The following KCND2 variants were observed in gnomAD, a reference collection of about 807,000 sequenced individuals.
KCND2 encodes A-type voltage-gated potassium channel KCND2.
Under a neutral mutation model 54.4 loss-of-function variants are expected in KCND2, and 16 were observed. The observed-to-expected ratio is 0.29, with a 90% CI of 0.20 to 0.45. The LOEUF is 0.45. KCND2 is among the 20% of genes least tolerant of loss of function. The pLI, the probability that KCND2 is intolerant of heterozygous loss-of-function variation, is 1.00. For missense variants in KCND2, 486 were observed against 824.2 expected, an observed-to-expected ratio of 0.59 and a Z score of 5.02; for synonymous variants, 317 against 310.7, an observed-to-expected ratio of 1.02 and a Z score of -0.21.
At chr7:120,693,191 A>G (rs1792292862) in intron 1 of KCND2, among the ~76,000 whole-genome samples, 1 of 152,074 alleles carries the variant, frequency 6.6e-6, no homozygotes, top group Non-Finnish European at 1.5e-5. Context: ...CTTTCTATTC[A>G]TTTTCTGAGT....
chr7:120,294,735 T>C (rs568096602), intron 1 of KCND2, among the ~76,000 whole-genome samples: 1 of 151,980 alleles, frequency 6.6e-6, no homozygotes, highest in East Asian at 1.9e-4. Flanking sequence ...AGAAACATAT[T>C]CTTATTAGCC....
At position 120,412,500 on chromosome 7, in the gene KCND2, A is replaced by C. The variant is rs185247829; in HGVS notation, c.1115+136753A>C. ...CAAATTCATTATTTCCACCTTTCTT[A>C]CTCCTTTAAAAATTACATATATTGT... On this transcript the variant is annotated intron_variant, in intron 1 of 5. Transcript: ENST00000331113. Among the ~76,000 whole-genome samples, 217 of 143,886 alleles carry C rather than the reference A, an allele frequency of 1.5e-3. 1 individual carries two copies. Among genetic ancestry groups the C allele is most frequent in the African/African-American group, 6.0e-3 (214 of 35,602 alleles). 94.4% of individuals were successfully genotyped at this position (143,886 alleles called of 152,430 possible).
intron 1 of KCND2, among the ~76,000 whole-genome samples, chr7:120,294,597 A>G (rs1273844890): frequency 6.6e-6 from 1 of 151,938 alleles, no homozygotes; most frequent in Non-Finnish European, 1.5e-5. Flanking sequence ...TAGAGAGAAC[A>G]TACATATAGG....
chr7:120,512,864 A>C (rs1803140826), intron 1 of KCND2, among the ~76,000 whole-genome samples: 1 of 146,916 alleles, frequency 6.8e-6, no homozygotes. Context: ...GTGCTATCTC[A>C]GCTCACTGCA....
intron 1 of KCND2, among the ~76,000 whole-genome samples, chr7:120,438,146 A>G (rs1801897206): frequency 6.6e-6 from 1 of 152,268 alleles, no homozygotes; most frequent in Non-Finnish European, 1.5e-5. Flanking sequence ...AGGTGTTCAT[A>G]GGCAGCCTTG....
intron 1 of KCND2, among the ~76,000 whole-genome samples, chr7:120,311,291 C>T (rs1215232314): frequency 6.6e-6 from 1 of 151,850 alleles, no homozygotes; most frequent in Non-Finnish European, 1.5e-5. Context: ...AGGTATTTTG[C>T]ACAGTTTTGT....
At chr7:120,580,919 T>C (rs1403256011) in intron 1 of KCND2, among the ~76,000 whole-genome samples, 1 of 152,208 alleles carries the variant, frequency 6.6e-6, no homozygotes, top group East Asian at 1.9e-4. Context: ...TAGTTGAACA[T>C]GGATTCTTAA....
chr7:120,711,145 A>G (rs952345454), intron 1 of KCND2, among the ~76,000 whole-genome samples: 2 of 152,100 alleles, frequency 1.3e-5, no homozygotes, highest in African/African-American at 4.8e-5. Flanking sequence ...TTGTTACATA[A>G]TATAAACATG....
intron 1 of KCND2, among the ~76,000 whole-genome samples, chr7:120,335,635 C>A (rs989628558): frequency 2.6e-5 from 4 of 151,586 alleles, no homozygotes; most frequent in Non-Finnish European, 5.9e-5. Context: ...ACAGGCGCCC[C>A]CCACCACGCC....
At chr7:120,692,396 CT>C (rs1200804908) in intron 1 of KCND2, among the ~76,000 whole-genome samples, 2 of 152,024 alleles carry the variant, frequency 1.3e-5, no homozygotes, top group African/African-American at 4.8e-5. Flanking sequence ...TTTTAGTTAT[CT>C]TTTATTTTTC....
Position 120,720,156 on chromosome 7 carries a change from T to C in KCND2, c.1116-12747T>C, listed in dbSNP as rs577397711. Among the ~76,000 whole-genome samples, 3 of 152,246 alleles carry C rather than the reference T, an allele frequency of 2.0e-5. No homozygotes were observed. In the East Asian group the frequency reaches 5.8e-4, roughly 29 times the overall value. ...GCTTCGAGTGTACCCTAGAAGAAGG[T>C]CCATCTTACCCTTAGTTTTTAACAT... On this transcript the variant is annotated intron_variant, in intron 1 of 5. Transcript: ENST00000331113.
In KCND2 at chr7:120,366,497, AAAAG is replaced by A. The variant is rs554947728; in HGVS notation, c.1115+90751_1115+90754del. Among the ~76,000 whole-genome samples the A allele has an allele frequency of 4.6e-5, 7 of 151,248 alleles. 1 individual carries two copies. In the South Asian group the frequency reaches 1.5e-3, roughly 32 times the overall value. ...AGCAAGACTCCATTAAAAAAAAAAA[AAAAG>A]GGAGGGAGGGAGGAAGGAAGGAAGG... On this transcript the variant is annotated intron_variant, in intron 1 of 5. Coordinates refer to ENST00000331113, the MANE Select transcript of KCND2 (RefSeq NM_012281.3).
chr7:120,330,237 G>GA (rs933232651), intron 1 of KCND2, among the ~76,000 whole-genome samples: 2 of 151,746 alleles, frequency 1.3e-5, no homozygotes, highest in Middle Eastern at 3.4e-3. Flanking sequence ...ACGTAGTGAG[G>GA]AAAAAAAATG....
At chr7:120,456,376 G>T (rs958128677) in intron 1 of KCND2, among the ~76,000 whole-genome samples, 1 of 152,050 alleles carries the variant, frequency 6.6e-6, no homozygotes, top group Non-Finnish European at 1.5e-5. Flanking sequence ...GGCTGTCAAG[G>T]TATGTTCTTT....
intron 1 of KCND2, among the ~76,000 whole-genome samples, chr7:120,307,319 T>G (rs1485111348): frequency 6.6e-6 from 1 of 152,076 alleles, no homozygotes; most frequent in African/African-American, 2.4e-5. Context: ...AGTGAAATTT[T>G]TTAGAAAATA....
intron 1 of KCND2, among the ~76,000 whole-genome samples, chr7:120,637,494 C>T (rs1793319921): frequency 6.6e-6 from 1 of 152,070 alleles, no homozygotes; most frequent in Non-Finnish European, 1.5e-5. Context: ...CAATTGTTCA[C>T]TTAAAGAGCA....
chr7:120,306,744 G>A (rs1245947282), intron 1 of KCND2, among the ~76,000 whole-genome samples: 1 of 151,746 alleles, frequency 6.6e-6, no homozygotes, highest in African/African-American at 2.4e-5. Flanking sequence ...TTTCTCTTGA[G>A]CATTCTCTAA....
At chr7:120,606,269 A>G in intron 1 of KCND2, among the ~76,000 whole-genome samples, 1 of 152,160 alleles carries the variant, frequency 6.6e-6, no homozygotes, top group East Asian at 1.9e-4. Context: ...TTGTATTGTA[A>G]GTGTTGTCTG....
At chr7:120,277,514 A>C (rs1370179049) in intron 1 of KCND2, among the ~76,000 whole-genome samples, 1 of 152,064 alleles carries the variant, frequency 6.6e-6, no homozygotes, top group African/African-American at 2.4e-5. Context: ...AATACACTTT[A>C]AAAATTTGGT....
Sources: allele counts gnomAD v4.1 joint callset (sites outside exome capture counted in the v4.1 genomes callset), GRCh38; gene constraint gnomAD v4.1.1; transcripts MANE v1.5; gene names NCBI Gene and HGNC (gene_info 2026-07-23, HGNC 2026-07-21).